CALD1: variants seen among roughly 807,000 people sequenced by gnomAD.
The protein encoded by CALD1 is caldesmon 1, also known as caldesmon.
Under a neutral mutation model 99.9 loss-of-function variants are expected in CALD1, and 33 were observed. That is an observed-to-expected ratio of 0.33 (90% CI 0.25 to 0.44). CALD1 has a LOEUF of 0.44. CALD1 is among the 20% of genes least tolerant of loss of function. CALD1 has a pLI of 1.00. For missense variants in CALD1, 861 were observed against 962.1 expected, an observed-to-expected ratio of 0.89 and a Z score of 1.39; for synonymous variants, 310 against 325.0, an observed-to-expected ratio of 0.95 and a Z score of 0.50.
At chr7:134,960,489 G>A (rs1808179669) in intron 12 of CALD1, 44 bp from the exon 13 acceptor site, 1 of 1,177,976 alleles carries the variant, frequency 8.5e-7, no homozygotes, top group Non-Finnish European at 1.3e-6. Context: ...CCCAGGTAAA[G>A]TTTACTTCAT....
the CALD1 span, among the ~76,000 whole-genome samples, chr7:134,719,645 G>A: frequency 1.3e-5 from 2 of 152,096 alleles, no homozygotes; most frequent in Admixed American, 6.5e-5. Flanking sequence ...AGTGTAGCTG[G>A]GCCCATCAAT....
intron 3 of CALD1, among the ~76,000 whole-genome samples, chr7:134,905,667 T>C (rs1351059719): frequency 1.3e-5 from 2 of 151,400 alleles, no homozygotes; most frequent in Non-Finnish European, 1.5e-5. Context: ...GGAGCAGGGC[T>C]GGAGGGCTGG....
chr7:134,855,088 T>C (rs1212577834), intron 2 of CALD1, among the ~76,000 whole-genome samples: 1 of 152,254 alleles, frequency 6.6e-6, no homozygotes, highest in Non-Finnish European at 1.5e-5. Context: ...ATGTTACTCA[T>C]ACAGCCTGCA....
At position 134,748,520 on chromosome 7, in the gene CALD1, G is replaced by A. The variant is rs12669561; in HGVS notation, c.-130+4157G>A. Among the ~76,000 whole-genome samples the A allele has an allele frequency of 8.7e-4, 132 of 152,280 alleles. No homozygotes were observed. The East Asian group carries it at 0.022, about 26-fold the overall frequency. Reference sequence around the variant, plus strand: ...AGGTCAGGAGTTCGAGACCAGCCTGGCCAACATGGTGAAGCCCTATCTCTA... The same window carrying A: ...AGGTCAGGAGTTCGAGACCAGCCTGACCAACATGGTGAAGCCCTATCTCTA... On this transcript the variant is annotated intron_variant, in intron 1 of 13. Transcript: ENST00000417172.
chr7:134,870,338 G>A (rs1300204447), intron 3 of CALD1, among the ~76,000 whole-genome samples: 6 of 152,286 alleles, frequency 3.9e-5, no homozygotes, highest in Non-Finnish European at 7.4e-5. Context: ...GTGAACAGGG[G>A]GTCAGGGAAT....
chr7:134,811,079 T>G (rs146477868), intron 1 of CALD1, among the ~76,000 whole-genome samples: 1 of 152,164 alleles, frequency 6.6e-6, no homozygotes, highest in East Asian at 1.9e-4. Context: ...CCTCCGTGTA[T>G]TATATCTGAC....
intron 14 of CALD1, 89 bp from the exon 15 acceptor site, chr7:134,968,251 T>G (rs1255076238): frequency 3.8e-6 from 4 of 1,042,114 alleles, no homozygotes; most frequent in African/African-American, 3.1e-5. Flanking sequence ...TCATTTTTCT[T>G]CTGACTATAA....
At chr7:134,764,317 A>T (rs1796807356) in intron 1 of CALD1, among the ~76,000 whole-genome samples, 3 of 152,334 alleles carry the variant, frequency 2.0e-5, no homozygotes, top group Admixed American at 1.3e-4. Context: ...TTGTCAAGGT[A>T]CCTTCATATT....
chr7:134,831,465 CCCA>C (rs1799218274), intron 1 of CALD1, among the ~76,000 whole-genome samples: 1 of 151,914 alleles, frequency 6.6e-6, no homozygotes, highest in Admixed American at 6.6e-5. Flanking sequence ...ATTACAGGTG[CCCA>C]CCACAACGCC....
At chr7:134,754,282 C>T (rs1273654758) in intron 1 of CALD1, among the ~76,000 whole-genome samples, 1 of 152,184 alleles carries the variant, frequency 6.6e-6, no homozygotes, top group Non-Finnish European at 1.5e-5. Context: ...AGACCATCTT[C>T]TTTAGGTAAA....
chr7:134,742,264 A>G (rs1796598228), upstream of CALD1, among the ~76,000 whole-genome samples: 1 of 152,158 alleles, frequency 6.6e-6, no homozygotes, highest in Admixed American at 6.5e-5. Context: ...TATGTGAAAA[A>G]ACTCAAAGTG....
intron 3 of CALD1, among the ~76,000 whole-genome samples, chr7:134,900,597 G>C (rs1384117607): frequency 6.6e-6 from 1 of 152,042 alleles, no homozygotes; most frequent in Non-Finnish European, 1.5e-5. Flanking sequence ...TAAGAAACTG[G>C]GGCCCGATAT....
chr7:134,732,964 T>C, the CALD1 span, among the ~76,000 whole-genome samples: 1 of 152,374 alleles, frequency 6.6e-6, no homozygotes, highest in East Asian at 1.9e-4. Context: ...CCTTTGCTGA[T>C]GATCTCCTAG....
intron 3 of CALD1, 117 bp downstream of exon 3, chr7:134,867,921 CA>C: frequency 2.1e-6 from 1 of 473,472 alleles, no homozygotes; most frequent in East Asian, 3.5e-5. Flanking sequence ...AAACTGTTCG[CA>C]AAAGTAGTTA....
intron 8 of CALD1, 73 bp downstream of exon 8, chr7:134,947,842 G>A: frequency 6.6e-7 from 1 of 1,524,766 alleles, no homozygotes; most frequent in Non-Finnish European, 8.8e-7. Context: ...GTTCTTTTGA[G>A]CATGGGCTCT....
intron 1 of CALD1, among the ~76,000 whole-genome samples, chr7:134,832,291 T>C (rs1000372674): frequency 6.6e-6 from 1 of 152,226 alleles, no homozygotes; most frequent in African/African-American, 2.4e-5. Context: ...ATTGTCTCTT[T>C]CTGGCTGCTG....
intron 3 of CALD1, among the ~76,000 whole-genome samples, chr7:134,925,030 C>A (rs1408904344): frequency 1.3e-5 from 2 of 152,200 alleles, no homozygotes; most frequent in African/African-American, 4.8e-5. Context: ...AATTAAACCT[C>A]TTTCCTTTAT....
At chr7:134,948,414 G>A (rs772515066) in intron 8 of CALD1, among the ~76,000 whole-genome samples, 5 of 152,036 alleles carry the variant, frequency 3.3e-5, no homozygotes, top group Non-Finnish European at 5.9e-5. Context: ...AGAGTTACAA[G>A]GAGGAACATT....
At chr7:134,924,635 T>A (rs1305180987) in intron 3 of CALD1, among the ~76,000 whole-genome samples, 1 of 152,198 alleles carries the variant, frequency 6.6e-6, no homozygotes, top group Non-Finnish European at 1.5e-5. Flanking sequence ...CCATTTTAGC[T>A]CTTTTTTTGT....
Sources: gnomAD v4.1 joint callset for allele counts (sites outside exome capture counted in the v4.1 genomes callset) on GRCh38, gnomAD v4.1.1 for gene constraint, MANE v1.5 for transcripts, NCBI Gene and HGNC (gene_info 2026-07-23, HGNC 2026-07-21) for gene names.